IRAK2: variants seen among roughly 807,000 people sequenced by gnomAD.
IRAK2 encodes interleukin 1 receptor associated kinase 2.
A neutral mutation model predicts 72.0 loss-of-function variants in IRAK2; 57 were observed. The observed-to-expected ratio is 0.79, with a 90% CI of 0.64 to 0.99. The LOEUF is 0.99. Ranked by LOEUF, IRAK2 falls within the 50% of genes least tolerant of loss-of-function variation. The pLI, the probability that IRAK2 is intolerant of heterozygous loss-of-function variation, is 0.00. For missense variants in IRAK2, 790 were observed against 794.4 expected (o/e 0.99, Z 0.07); for synonymous variants, 293 against 312.7 (o/e 0.94, Z 0.67).
intron 11 of IRAK2, among the ~76,000 whole-genome samples, 153 bp downstream of exon 11, chr3:10,234,812 G>GT (rs1697927073): frequency 6.6e-6 from 1 of 152,374 alleles, no homozygotes; most frequent in African/African-American, 2.4e-5. Context: ...CCAAAGGGCG[G>GT]TGTAGGGATG....
chr3:10,219,319 T>C (rs1697651875), intron 7 of IRAK2, among the ~76,000 whole-genome samples: 1 of 119,900 alleles, frequency 8.3e-6, no homozygotes, highest in African/African-American at 3.6e-5. Context: ...TTTTTTGTTT[T>C]TGTTTTTGTT....
At chr3:10,166,134 A>G (rs1033475023) in intron 1 of IRAK2, among the ~76,000 whole-genome samples, 1 of 152,360 alleles carries the variant, frequency 6.6e-6, no homozygotes, top group African/African-American at 2.4e-5. Context: ...TTTGTGATTA[A>G]ATGTACTTTA....
intron 10 of IRAK2, among the ~76,000 whole-genome samples, chr3:10,230,328 A>G (rs528042495): frequency 6.6e-6 from 1 of 150,840 alleles, no homozygotes; most frequent in East Asian, 2.0e-4. Context: ...ATTTTTGGAG[A>G]TAGGGTCTCC....
chr3:10,180,232 G>A (rs1056265061), intron 2 of IRAK2, among the ~76,000 whole-genome samples: 6 of 152,076 alleles, frequency 3.9e-5, no homozygotes, highest in African/African-American at 7.2e-5. Context: ...CTCAGCGTAG[G>A]GCAGGGAGCC....
chr3:10,219,201 A>C (rs1357769900), intron 7 of IRAK2, among the ~76,000 whole-genome samples: 1 of 152,224 alleles, frequency 6.6e-6, no homozygotes, highest in African/African-American at 2.4e-5. Context: ...AAAACCAGCA[A>C]ACACAAAACA....
At chr3:10,172,822 A>C (rs866103203) in intron 1 of IRAK2, among the ~76,000 whole-genome samples, 1 of 131,412 alleles carries the variant, frequency 7.6e-6, no homozygotes, top group African/African-American at 2.9e-5. Flanking sequence ...TGGGCAACAG[A>C]GCGAGACTCT....
chr3:10,186,144 A>G (rs1430531603), intron 2 of IRAK2, among the ~76,000 whole-genome samples: 1 of 151,662 alleles, frequency 6.6e-6, no homozygotes, highest in African/African-American at 2.4e-5. Flanking sequence ...TGGAGCTTCC[A>G]CGTTCATTAT....
intron 1 of IRAK2, among the ~76,000 whole-genome samples, chr3:10,171,549 A>G (rs933501221): frequency 1.3e-5 from 2 of 152,162 alleles, no homozygotes; most frequent in Non-Finnish European, 2.9e-5. Flanking sequence ...GAACTCCTGC[A>G]GGATTCAGGA....
chr3:10,226,662 T>G (rs940189122), intron 10 of IRAK2, among the ~76,000 whole-genome samples: 1 of 152,064 alleles, frequency 6.6e-6, no homozygotes, highest in Non-Finnish European at 1.5e-5. Flanking sequence ...CTCATGCCTG[T>G]GATCACAGCC....
chr3:10,198,244 T>C (rs1321611088), intron 2 of IRAK2, among the ~76,000 whole-genome samples: 1 of 152,202 alleles, frequency 6.6e-6, no homozygotes, highest in Non-Finnish European at 1.5e-5. Flanking sequence ...ATTTAAAATG[T>C]CAGTGACAGT....
At chr3:10,236,356 T>G (rs901295935) in intron 11 of IRAK2, among the ~76,000 whole-genome samples, 5 of 149,282 alleles carry the variant, frequency 3.3e-5, no homozygotes, top group Non-Finnish European at 5.9e-5. Context: ...TTTTTTTTTT[T>G]TTTTTTTTTT....
chr3:10,188,287 A>C (rs1697111762), intron 2 of IRAK2, among the ~76,000 whole-genome samples: 1 of 152,124 alleles, frequency 6.6e-6, no homozygotes, highest in South Asian at 2.1e-4. Context: ...TGCCACAGGG[A>C]TTTAGATATG....
chr3:10,181,941 C>T (rs1413362119), intron 2 of IRAK2, among the ~76,000 whole-genome samples: 2 of 151,792 alleles, frequency 1.3e-5, no homozygotes, highest in African/African-American at 4.8e-5. Flanking sequence ...CCTGAGTAAG[C>T]ATCATTTTCT....
rs1697923520 is a variant in IRAK2, at chr3:10,234,671, C to A, written c.1473+12C>A. 6.2e-7 allele frequency: 1 copy of A among 1,608,928 alleles called. No homozygotes were observed. Among genetic ancestry groups the A allele is most frequent in the African/African-American group, 1.3e-5 (1 of 74,918 alleles). On this transcript the variant is annotated intron_variant, in intron 11 of 12. Coordinates refer to ENST00000256458, the MANE Select transcript of IRAK2 (RefSeq NM_001570.4). ...CCAGCCTGCAGGAGGTGAGCCTCGC[C>A]CGCAGCGGCCTCGCTGCCTGGGCCA...
rs974369138 is a variant in IRAK2 at position 10,213,304 on chromosome 3, A to G, written c.626A>G (p.Asp209Gly). 1.2e-6 allele frequency: 2 copies of G among 1,614,152 alleles called. No individual in the cohort carries two copies. The highest frequency in any genetic ancestry group is 1.7e-6 in the Non-Finnish European group (2 of 1,180,030). Residue 209 changes from aspartate to glycine, a missense_variant, in exon 5 of 13, where the codon GAC (aspartate) becomes GGC (glycine). Transcript: ENST00000256458. ...SEADVVQATD[D>G]FNQNRKISQG... ...GCAGACGTGGTCCAGGCAACCGATG[A>G]CTTCAATCAAAACCGCAAAATCAGC... is the stretch of plus-strand genomic sequence containing the variant.
At chr3:10,200,204 TGGGGA>T (rs1697334491) in intron 2 of IRAK2, among the ~76,000 whole-genome samples, 160 bp from the exon 3 acceptor site, 1 of 152,060 alleles carries the variant, frequency 6.6e-6, no homozygotes, top group Non-Finnish European at 1.5e-5. Flanking sequence ...ATTTTACAGA[TGGGGA>T]GGCCGGGGCC....
intron 1 of IRAK2, among the ~76,000 whole-genome samples, chr3:10,168,498 C>G (rs868742763): frequency 6.6e-6 from 1 of 152,094 alleles, no homozygotes; most frequent in Non-Finnish European, 1.5e-5. Context: ...GGTGTGAGCA[C>G]CATGTCCGGC....
chr3:10,181,976 T>TTC (rs1431576283), intron 2 of IRAK2, among the ~76,000 whole-genome samples: 1 of 150,012 alleles, frequency 6.7e-6, no homozygotes, highest in East Asian at 1.9e-4. Context: ...TTTTCTTTTT[T>TTC]TTTTTTTTTG....
chr3:10,234,256 G>T (rs1697912761), intron 10 of IRAK2, among the ~76,000 whole-genome samples: 1 of 152,116 alleles, frequency 6.6e-6, no homozygotes, highest in Admixed American at 6.6e-5. Flanking sequence ...AGTTCACTAT[G>T]GAGTGCCCTG....
Sources: gnomAD v4.1 joint callset for allele counts (sites outside exome capture counted in the v4.1 genomes callset) on GRCh38, gnomAD v4.1.1 for gene constraint, MANE v1.5 for transcripts, NCBI Gene and HGNC (gene_info 2026-07-23, HGNC 2026-07-21) for gene names.